The following BDP1 variants were observed in gnomAD, a reference collection of about 807,000 sequenced individuals.
BDP1 encodes transcription factor TFIIIB component B'' homolog.
In BDP1, 169 loss-of-function variants were observed where a neutral mutation model predicts 266.6. That is an observed-to-expected ratio of 0.63 (90% CI 0.56 to 0.72). The LOEUF (loss-of-function observed/expected upper bound fraction) is 0.72, where lower values mean the gene tolerates loss of function less well. Ranked by LOEUF, BDP1 falls within the 30% of genes least tolerant of loss-of-function variation. The pLI is 0.00. For synonymous variants in BDP1, 1,090 were observed against 1,022.4 expected (o/e 1.07, Z -1.26); for missense variants, 3,015 against 3,053.8 (o/e 0.99, Z 0.30).
chr5:71,472,196 C>T (rs1442306918), intron 7 of BDP1, among the ~76,000 whole-genome samples: 1 of 152,182 alleles, frequency 6.6e-6, no homozygotes, highest in East Asian at 1.9e-4. Flanking sequence ...CATGGTGGCT[C>T]ACGCCTGTAA....
chr5:71,513,573 T>G (rs892866123), intron 19 of BDP1, among the ~76,000 whole-genome samples, 166 bp downstream of exon 19: 1 of 152,068 alleles, frequency 6.6e-6, no homozygotes, highest in African/African-American at 2.4e-5. Context: ...TTCCACATAA[T>G]TTGTGTAAGA....
chr5:71,479,939 G>A (rs547521813), intron 7 of BDP1, among the ~76,000 whole-genome samples: 96 of 151,728 alleles, frequency 6.3e-4, no homozygotes, highest in African/African-American at 2.2e-3. Flanking sequence ...TCTCCGTCAC[G>A]GGTTTTTTTG....
chr5:71,466,112 ACTC>A lies in BDP1; in HGVS notation c.679_681del (p.Pro227del), dbSNP rs774052879. The A allele has an allele frequency of 6.2e-7, 1 of 1,613,670 alleles. No homozygotes were observed. The highest frequency in any genetic ancestry group is 2.2e-5 in the East Asian group (1 of 44,830). ...ATGTGGTAGGCAAGAAGGTAAGAGT[ACTC>A]CTAATGCTGAAGATAATGAAATGGA... On this transcript the variant is annotated inframe_deletion, in exon 5 of 39. Coordinates refer to ENST00000358731, the MANE Select transcript of BDP1 (RefSeq NM_018429.3).
At chr5:71,539,440 C>T in intron 27 of BDP1, 117 bp from the exon 28 acceptor site, 1 of 718,014 alleles carries the variant, frequency 1.4e-6, no homozygotes, top group Non-Finnish European at 2.3e-6. Flanking sequence ...GGATTAATGG[C>T]TCAGAGGATA....
At chr5:71,575,970 A>G in the BDP1 span, among the ~76,000 whole-genome samples, 2 of 152,190 alleles carry the variant, frequency 1.3e-5, no homozygotes, top group East Asian at 3.8e-4. Context: ...GGTACAAACA[A>G]CTTCCCCATA....
chr5:71,557,375 A>ATTTTTTTT (rs55810132), intron 36 of BDP1, among the ~76,000 whole-genome samples: 9 of 103,352 alleles, frequency 8.7e-5, no homozygotes, highest in South Asian at 3.7e-4. Flanking sequence ...TGCCAAGCTA[A>ATTTTTTTT]TTTTTTTTTT....
At chr5:71,553,389 TC>T (rs1265577505) in intron 35 of BDP1, 69 bp downstream of exon 35, 7 of 1,031,864 alleles carry the variant, frequency 6.8e-6, no homozygotes, top group Non-Finnish European at 1.0e-5. Flanking sequence ...ACAGATCTGT[TC>T]CTATTTTTTC....
intron 3 of BDP1, among the ~76,000 whole-genome samples, chr5:71,463,415 C>T (rs1761695853): frequency 6.6e-6 from 1 of 152,120 alleles, no homozygotes; most frequent in Non-Finnish European, 1.5e-5. Context: ...AAGAAAGGGC[C>T]AGAAACCTAG....
rs1764239111 is a variant in BDP1, at chr5:71,501,644, CTG to C, written c.2041_2042del (p.Val681IlefsTer5). 1.5e-6 allele frequency: 2 copies of C among 1,292,024 alleles called. No individual in the cohort carries two copies. The highest frequency in any genetic ancestry group is 2.4e-5 in the East Asian group (1 of 41,622). 80.0% of individuals were successfully genotyped at this position (1,292,024 alleles called of 1,614,324 possible). On this transcript the variant is annotated frameshift_variant, in exon 14 of 39. Transcript: ENST00000358731. LOFTEE classifies it high-confidence loss of function. ...GAGAGAGAGAATCCAGAAGCTGAAA[CTG>C]TATCTGTGTGAGTATTCAGGAAGTA...
chr5:71,486,433 G>C (rs1204698602), intron 8 of BDP1, 51 bp from the exon 9 acceptor site: 2 of 1,454,392 alleles, frequency 1.4e-6, no homozygotes. Context: ...AAAGCTAGAA[G>C]TAGCTTTTAA....
rs147712718 is a variant in BDP1 at position 71,479,901 on chromosome 5, G to C, written c.1015-3941G>C. Among the ~76,000 whole-genome samples, 12 of 150,382 alleles carry C rather than the reference G, an allele frequency of 8.0e-5. No individual in the cohort carries two copies. The East Asian group carries it at 2.4e-3, about 30-fold the overall frequency. Reference sequence around the variant, plus strand: ...TTTCCTATCTTTTCTCATGTCATGTGGGTTTTAAAAAATAATTAATTTTTT... The same window carrying C: ...TTTCCTATCTTTTCTCATGTCATGTCGGTTTTAAAAAATAATTAATTTTTT... On this transcript the variant is annotated intron_variant, in intron 7 of 38. Transcript: ENST00000358731.
intron 26 of BDP1, among the ~76,000 whole-genome samples, chr5:71,535,526 C>T (rs115573468): frequency 1.3e-5 from 2 of 152,044 alleles, no homozygotes; most frequent in South Asian, 2.1e-4. Flanking sequence ...AATTTTAAGT[C>T]GGGTACTCTT....
intron 16 of BDP1, among the ~76,000 whole-genome samples, chr5:71,506,018 A>C (rs1312022555): frequency 6.6e-6 from 1 of 152,214 alleles, no homozygotes; most frequent in African/African-American, 2.4e-5. Context: ...GGATTATTTT[A>C]CTAATGTGCA....
chr5:71,549,451 A>C lies in BDP1; in HGVS notation c.6840A>C (p.Gly2280=), dbSNP rs1354805409. The change falls in exon 34 of 39, where the codon GGA becomes GGC. Residue 2280 remains glycine, a synonymous_variant. Transcript: ENST00000358731. The part of the protein sequence containing the change: ...VNLVANVPQD[G]EDEQAFILTL... The stretch of plus-strand genomic sequence containing the variant: ...TAGTTGCTAATGTACCTCAAGATGG[A>C]GAAGATGAACAAGCCTTTATTTTAA... 1.2e-6 allele frequency: 2 copies of C among 1,613,698 alleles called. No homozygotes were observed. The highest frequency in any genetic ancestry group is 2.2e-5 in the South Asian group (2 of 90,886).
rs1372983141 is a variant in BDP1 at position 71,456,057 on chromosome 5, A to G, written c.180A>G (p.Gly60=). ...ATGTGCCCACAGTCGATTTCGGTGG[A>G]GCGGAGCCCCAAGAAAAGGCTCCTA... ...PTDVPTVDFG[G]AEPQEKAPRS... is the part of the protein sequence containing the mutation. Residue 60 remains glycine, a synonymous_variant, in exon 1 of 39, where the codon GGA becomes GGG. Coordinates refer to ENST00000358731, the MANE Select transcript of BDP1 (RefSeq NM_018429.3). 1.9e-6 allele frequency: 3 copies of G among 1,613,148 alleles called. No individual in the cohort carries two copies. Among genetic ancestry groups the G allele is most frequent in the Non-Finnish European group, 2.5e-6 (3 of 1,180,018 alleles).
chr5:71,541,720 C>T lies in BDP1; in HGVS notation c.6251+38C>T, dbSNP rs762877787. 5 of 1,276,812 alleles carry T rather than the reference C, an allele frequency of 3.9e-6. No homozygotes were observed. The Admixed American group carries it at 1.2e-4, about 30-fold the overall frequency. The allele number at this position is 1,276,812 out of a possible 1,614,324, so 79.1% of individuals were successfully genotyped here. A position where few individuals can be genotyped will look rare whatever the true frequency, so the allele number is the denominator to read the frequency against. On this transcript the variant is annotated intron_variant, in intron 29 of 38. Coordinates refer to ENST00000358731, the MANE Select transcript of BDP1 (RefSeq NM_018429.3). The stretch of plus-strand genomic sequence containing the variant: ...ATTCAATTAATAAATATTACTAAAA[C>T]CACCATCAAATTAGTTAATAGCTTT...
In BDP1 at chr5:71,469,813, C is replaced by T. The variant is rs141410504; in HGVS notation, c.920-582C>T. On this transcript the variant is annotated intron_variant, in intron 6 of 38. Transcript: ENST00000358731. The stretch of plus-strand genomic sequence containing the variant: ...TTTATTTTTAGCAGAGACAGGGTTT[C>T]ACCATGTTGGCCCGGCTGGTCTCAA... Among the ~76,000 whole-genome samples, 716 of 148,874 alleles carry T rather than the reference C, an allele frequency of 4.8e-3. 5 individuals are homozygous for T. The highest frequency in any genetic ancestry group is 7.1e-3 in the Middle Eastern group (2 of 280).
In BDP1 at chr5:71,472,888, C is replaced by CTTTTTTT. The variant is rs57109617; in HGVS notation, c.1014+2416_1014+2422dup. ...GATAATTTGTATTTTCTCTCTCTCT[C>CTTTTTTT]TTTTTTTTTTTTTTTTTTTTTTTGG... On this transcript the variant is annotated intron_variant, in intron 7 of 38. Transcript: ENST00000358731. Among the ~76,000 whole-genome samples the CTTTTTTT allele has an allele frequency of 5.0e-4, 27 of 53,940 alleles. 2 individuals are homozygous for CTTTTTTT. Among genetic ancestry groups the CTTTTTTT allele is most frequent in the East Asian group, 6.3e-4 (1 of 1,590 alleles). The allele number at this position is 53,940 out of a possible 152,430, so 35.4% of individuals were successfully genotyped here.
chr5:71,481,091 A>G (rs2150390361), intron 7 of BDP1, among the ~76,000 whole-genome samples: 1 of 151,142 alleles, frequency 6.6e-6, no homozygotes, highest in East Asian at 2.0e-4. Context: ...GGAGAATGGC[A>G]TGAACCCGGG....
Sources: gnomAD v4.1 joint callset for allele counts (sites outside exome capture counted in the v4.1 genomes callset) on GRCh38, gnomAD v4.1.1 for gene constraint, MANE v1.5 for transcripts, NCBI Gene and HGNC (gene_info 2026-07-23, HGNC 2026-07-21) for gene names.